Variants in PKD1L3 observed in about 807,000 individuals in gnomAD.
The protein encoded by PKD1L3 is polycystin-1-like protein 3.
PKD1L3 carries 239 observed loss-of-function variants against 184.1 expected under a neutral mutation model. That is an observed-to-expected ratio of 1.30 (90% CI 1.17 to 1.45). PKD1L3 has a LOEUF of 1.45. PKD1L3 is among the 40% of genes most tolerant of loss of function. The pLI, the probability that PKD1L3 is intolerant of heterozygous loss-of-function variation, is 0.00. For synonymous variants in PKD1L3, 996 were observed against 778.8 expected, an observed-to-expected ratio of 1.28 and a Z score of -4.64; for missense variants, 2,660 against 2,067.2, an observed-to-expected ratio of 1.29 and a Z score of -5.56.
In PKD1L3 at chr16:71,932,780, CTTTTTTTTTTT is replaced by C. The variant is rs71153681; in HGVS notation, c.4926+629_4926+639del. Among the ~76,000 whole-genome samples, 7 of 97,092 alleles carry C rather than the reference CTTTTTTTTTTT, an allele frequency of 7.2e-5. No individual in the cohort carries two copies. The South Asian group carries it at 1.0e-3, about 14-fold the overall frequency. The allele number at this position is 97,092 out of a possible 152,430, so 63.7% of individuals were successfully genotyped here. On this transcript the variant is annotated intron_variant, in intron 28 of 29. Coordinates refer to ENST00000620267, the MANE Select transcript of PKD1L3 (RefSeq NM_181536.2). The stretch of plus-strand genomic sequence containing the variant: ...ATAGGCATGAGCCACCGCACCTGGC[CTTTTTTTTTTT>C]TTTTTTTTTTTTTTAATTTAAATAG...
intron 12 of PKD1L3, among the ~76,000 whole-genome samples, chr16:71,970,855 GA>G (rs2039684248): frequency 6.6e-6 from 1 of 152,102 alleles, no homozygotes; most frequent in Admixed American, 6.6e-5. Context: ...AAAAATGGAT[GA>G]ATTAGAGGTA....
chr16:71,941,172 C>T (rs1464487255), intron 24 of PKD1L3, among the ~76,000 whole-genome samples: 1 of 151,946 alleles, frequency 6.6e-6, no homozygotes, highest in Non-Finnish European at 1.5e-5. Flanking sequence ...GGCACTTGAA[C>T]CTCTAATGCT....
chr16:71,973,204 G>A (rs1245451871), intron 12 of PKD1L3, 120 bp downstream of exon 12: 1 of 1,239,124 alleles, frequency 8.1e-7, no homozygotes, highest in Non-Finnish European at 1.1e-6. Context: ...CCCAGGCAGA[G>A]TTATTTCAAA....
At chr16:71,930,232 C>G (rs1400045410) in intron 28 of PKD1L3, 49 bp from the exon 29 acceptor site, 1 of 1,490,434 alleles carries the variant, frequency 6.7e-7, no homozygotes, top group South Asian at 1.3e-5. Flanking sequence ...TTAGTTTATA[C>G]TTTACAAACA....
At chr16:71,941,707 C>A (rs2038367703) in intron 24 of PKD1L3, among the ~76,000 whole-genome samples, 1 of 151,464 alleles carries the variant, frequency 6.6e-6, no homozygotes. Flanking sequence ...GCTTCAGCCT[C>A]CCGAATAGTT....
In PKD1L3 at chr16:71,993,625, C is replaced by A. The variant is rs74604411; in HGVS notation, c.419-293G>T. On this transcript the variant is annotated intron_variant, in intron 2 of 29. Transcript: ENST00000620267. ...ACTAGGCATGTGGAGTTATTTACAT[C>A]CTACTGCTTAAGGTCATCGCCAGGG... Among the ~76,000 whole-genome samples the A allele has an allele frequency of 7.7e-3, 1,173 of 152,234 alleles. 19 individuals are homozygous for A. The highest frequency in any genetic ancestry group is 0.026 in the African/African-American group (1,060 of 41,542).
chr16:71,944,582 C>A (rs911450189), intron 22 of PKD1L3, among the ~76,000 whole-genome samples: 45 of 152,016 alleles, frequency 3.0e-4, no homozygotes, highest in African/African-American at 9.9e-4. Context: ...ACTAGGGAGA[C>A]TGAGGTGAGA....
chr16:71,949,567 G>A (rs1281120421), intron 21 of PKD1L3, among the ~76,000 whole-genome samples: 5 of 151,904 alleles, frequency 3.3e-5, no homozygotes, highest in South Asian at 2.1e-4. Context: ...TGCCCAGGCT[G>A]GTCTCGAACA....
intron 16 of PKD1L3, among the ~76,000 whole-genome samples, chr16:71,956,444 C>A (rs948699401): frequency 6.6e-6 from 1 of 151,978 alleles, no homozygotes; most frequent in African/African-American, 2.4e-5. Context: ...CCACCCGACC[C>A]GGCCTCCCAA....
At position 71,943,025 on chromosome 16, in the gene PKD1L3, C is replaced by T. The variant is rs1210556055; in HGVS notation, c.3860-1G>A. On this transcript the variant is annotated splice_acceptor_variant, in intron 23 of 29. Coordinates refer to ENST00000620267, the MANE Select transcript of PKD1L3 (RefSeq NM_181536.2). LOFTEE classifies it high-confidence loss of function. ...AACAGGGTAAGGAAGAGGATTTGTACTTGTTTAGAAGAGGAAAAAAATGTC... is the reference window on the plus strand; with the variant it reads ...AACAGGGTAAGGAAGAGGATTTGTATTTGTTTAGAAGAGGAAAAAAATGTC... 6.5e-7 allele frequency: 1 copy of T among 1,545,208 alleles called. No homozygotes were observed.
At chr16:71,947,040 G>T (rs1393839179) in intron 22 of PKD1L3, among the ~76,000 whole-genome samples, 1 of 151,858 alleles carries the variant, frequency 6.6e-6, no homozygotes, top group Non-Finnish European at 1.5e-5. Context: ...TGGATCACCT[G>T]AGGTCAGGAG....
chr16:71,981,347 G>T (rs2040143768), intron 7 of PKD1L3, among the ~76,000 whole-genome samples: 1 of 152,088 alleles, frequency 6.6e-6, no homozygotes, highest in Admixed American at 6.6e-5. Context: ...TCGAACAATG[G>T]ATAGGGTGGC....
intron 21 of PKD1L3, among the ~76,000 whole-genome samples, chr16:71,947,820 T>G (rs1252217963): frequency 6.6e-6 from 1 of 152,238 alleles, no homozygotes; most frequent in African/African-American, 2.4e-5. Flanking sequence ...TAGTTCTTAA[T>G]CTGGTTGGCT....
rs1238552497 is a variant in PKD1L3 at position 71,951,657 on chromosome 16, T to A, written c.3097A>T (p.Ile1033Phe). Residue 1033 changes from isoleucine to phenylalanine, a missense_variant, in exon 19 of 30, where the codon ATT (isoleucine) becomes TTT (phenylalanine). Transcript: ENST00000620267. The stretch of plus-strand genomic sequence containing the variant: ...GATAAAAGTTTCACCAGCTTAGTAA[T>A]GTCCCAAGAACTCCATGGCGGCTGC... Reference protein sequence around the residue: ...CEQPPWSSWDITKLVKLLSSL... With the variant: ...CEQPPWSSWDFTKLVKLLSSL... 1.3e-6 allele frequency: 2 copies of A among 1,551,730 alleles called. No individual in the cohort carries two copies. Among genetic ancestry groups the A allele is most frequent in the African/African-American group, 1.4e-5 (1 of 73,164 alleles).
chr16:71,972,594 G>A (rs1468563141), intron 12 of PKD1L3, among the ~76,000 whole-genome samples: 3 of 150,616 alleles, frequency 2.0e-5, no homozygotes, highest in South Asian at 2.1e-4. Context: ...TGAGGCAGGC[G>A]GATCTTTTGA....
intron 13 of PKD1L3, among the ~76,000 whole-genome samples, chr16:71,969,654 C>A (rs1469866397): frequency 1.3e-5 from 2 of 151,450 alleles, no homozygotes; most frequent in Non-Finnish European, 2.9e-5. Flanking sequence ...AGGAGTCCTG[C>A]AAGGTCCAAT....
In PKD1L3 at chr16:71,949,308, C is replaced by T. The variant is rs183508787; in HGVS notation, c.3618+475G>A. Among the ~76,000 whole-genome samples, 470 of 148,186 alleles carry T rather than the reference C, an allele frequency of 3.2e-3. 3 individuals are homozygous for T. Among genetic ancestry groups the T allele is most frequent in the African/African-American group, 0.011 (450 of 40,670 alleles). On this transcript the variant is annotated intron_variant, in intron 21 of 29. Coordinates refer to ENST00000620267, the MANE Select transcript of PKD1L3 (RefSeq NM_181536.2). ...TCTTAGTTTTTTCTGTCATGAATTA[C>T]ACTTATCCCTAACAAATGTCAGTTA...
In PKD1L3 at chr16:71,973,366, G is replaced by T. The variant is rs753369662; in HGVS notation, c.1911C>A (p.Tyr637Ter). The T allele has an allele frequency of 1.3e-6, 2 of 1,551,702 alleles. No individual in the cohort carries two copies. The highest frequency in any genetic ancestry group is 2.4e-5 in the East Asian group (1 of 40,916). ...SVITAVTQCY[Y>*]WEIHNQTWSS... ...TCCATGTCTGGTTGTGGATCTCCCA[G>T]TAGTAACACTGAGTGACGGCGGTGA... Residue 637 changes from tyrosine (Y) to a stop codon, truncating the protein, a stop_gained, in exon 12 of 30, where the codon TAC (tyrosine) becomes TAA (stop). Transcript: ENST00000620267. LOFTEE classifies it high-confidence loss of function.
chr16:71,937,238 A>G (rs946940100), intron 25 of PKD1L3, 54 bp downstream of exon 25: 1 of 1,516,448 alleles, frequency 6.6e-7, no homozygotes, highest in Non-Finnish European at 8.9e-7. Flanking sequence ...GTAGTCTGGT[A>G]AAGATGAGGT....
Sources: allele counts gnomAD v4.1 joint callset (sites outside exome capture counted in the v4.1 genomes callset), GRCh38; gene constraint gnomAD v4.1.1; transcripts MANE v1.5; gene names NCBI Gene and HGNC (gene_info 2026-07-23, HGNC 2026-07-21).